DNAJC11: variants seen among roughly 807,000 people sequenced by gnomAD.
DNAJC11 encodes the protein DnaJ heat shock protein family (Hsp40) member C11.
Under a neutral mutation model 78.6 loss-of-function variants are expected in DNAJC11, and 15 were observed. That is an observed-to-expected ratio of 0.19 (90% CI 0.13 to 0.29). The LOEUF (loss-of-function observed/expected upper bound fraction) is 0.29, where lower values mean the gene tolerates loss of function less well. Ranked by LOEUF, DNAJC11 falls within the 10% of genes least tolerant of loss-of-function variation. The probability of loss-of-function intolerance (pLI) is 1.00; values close to 1 mark genes in which losing one functional copy is unlikely to be tolerated. For missense variants in DNAJC11, 547 were observed against 709.6 expected (o/e 0.77, Z 2.60); for synonymous variants, 292 against 272.1 (o/e 1.07, Z -0.72).
chr1:6,696,482 C>G (rs1219026732), intron 1 of DNAJC11, among the ~76,000 whole-genome samples: 2 of 152,178 alleles, frequency 1.3e-5, no homozygotes, highest in Non-Finnish European at 2.9e-5. Context: ...ACCAGGGGAC[C>G]TTCCTCTACT....
chr1:6,640,144 G>A, intron 10 of DNAJC11, 87 bp from the exon 11 acceptor site: 4 of 1,440,808 alleles, frequency 2.8e-6, no homozygotes, highest in Non-Finnish European at 2.7e-6. Flanking sequence ...GGCACAGGAA[G>A]AGAACTTGTG....
chr1:6,677,155 T>A (rs1310293687), intron 3 of DNAJC11, among the ~76,000 whole-genome samples: 4 of 105,756 alleles, frequency 3.8e-5, no homozygotes, highest in Non-Finnish European at 5.8e-5. Flanking sequence ...CAAAACTTGG[T>A]CTCAAAAAAA....
rs1255899767 is a variant in DNAJC11, at chr1:6,634,780, G to A, written c.*895C>T. The A allele has an allele frequency of 1.5e-6, 2 of 1,318,450 alleles. No homozygotes were observed. Among genetic ancestry groups the A allele is most frequent in the Non-Finnish European group, 2.0e-6 (2 of 996,238 alleles). The allele number at this position is 1,318,450 out of a possible 1,614,324, so 81.7% of individuals were successfully genotyped here. ...ACCTGCAGGAGCGGGGAGCTGCAGT[G>A]CCACCTGCTGGGTACCACGGGCCGG... On this transcript the variant is annotated 3_prime_UTR_variant, in exon 16 of 16. Coordinates refer to ENST00000377577, the MANE Select transcript of DNAJC11 (RefSeq NM_018198.4).
intron 1 of DNAJC11, among the ~76,000 whole-genome samples, chr1:6,694,713 C>T (rs150403249): frequency 0.025 from 3,750 of 151,650 alleles, 78 homozygotes; most frequent in East Asian, 0.068. Flanking sequence ...CACCTATAAT[C>T]GCAGCACTTT....
At position 6,680,847 on chromosome 1, in the gene DNAJC11, C is replaced by T; in HGVS notation, c.202+61G>A. The T allele has an allele frequency of 6.3e-7, 1 of 1,590,092 alleles. No individual in the cohort carries two copies. Among genetic ancestry groups the T allele is most frequent in the Non-Finnish European group, 8.6e-7 (1 of 1,163,956 alleles). On this transcript the variant is annotated intron_variant, in intron 2 of 15. Transcript: ENST00000377577. The surrounding 1 kb of genome is among the most constrained non-coding windows in gnomAD (Gnocchi z 4.0). ...CTTTTTCTATCCTCTACAAATCGCA[C>T]CTCCTAAAAATCGAATATCTGTTAC...
chr1:6,662,675 G>T (rs776667380), intron 4 of DNAJC11, among the ~76,000 whole-genome samples: 1 of 152,014 alleles, frequency 6.6e-6, no homozygotes, highest in Admixed American at 6.6e-5. Flanking sequence ...CAATCAGCTC[G>T]CTGTAAAAAG....
chr1:6,653,356 A>G lies in DNAJC11; in HGVS notation c.508-405T>C, dbSNP rs1479543527. 6.6e-6 allele frequency among the ~76,000 whole-genome samples: 1 copy of G among 152,102 alleles called. No homozygotes were observed. Among genetic ancestry groups the G allele is most frequent in the Non-Finnish European group, 1.5e-5 (1 of 68,010 alleles). Reference sequence around the variant, plus strand: ...ACTCAGGGAGCTCCAAGAGGGGGCAAATTTCCCCAAGTTAGGACTCCACGT... The same window carrying G: ...ACTCAGGGAGCTCCAAGAGGGGGCAGATTTCCCCAAGTTAGGACTCCACGT... On this transcript the variant is annotated intron_variant, in intron 5 of 15. Transcript: ENST00000377577. This position sits in a 1 kb window ranked among gnomAD's most constrained non-coding sequence, Gnocchi z 4.5.
intron 11 of DNAJC11, 100 bp downstream of exon 11, chr1:6,639,802 A>T: frequency 7.4e-7 from 1 of 1,349,926 alleles, no homozygotes; most frequent in Non-Finnish European, 9.9e-7. Context: ...AGGTTTCCTC[A>T]TCACCCGACG....
chr1:6,636,364 C>CT, intron 14 of DNAJC11, 118 bp from the exon 15 acceptor site: 1 of 1,403,530 alleles, frequency 7.1e-7, no homozygotes. Flanking sequence ...GAGATGCAAA[C>CT]TTTGGGGCAT....
chr1:6,671,898 G>A (rs1007304824), intron 3 of DNAJC11, among the ~76,000 whole-genome samples: 16 of 150,214 alleles, frequency 1.1e-4, no homozygotes, highest in African/African-American at 3.7e-4. Flanking sequence ...GCAGCGATGC[G>A]ATCTCAGCTC....
rs1641957319 is a variant in DNAJC11, at chr1:6,645,891, C to T, written c.792G>A (p.Lys264=). 6.2e-7 allele frequency: 1 copy of T among 1,614,202 alleles called. No individual in the cohort carries two copies. Among genetic ancestry groups the T allele is most frequent in the Non-Finnish European group, 8.5e-7 (1 of 1,180,038 alleles). The change falls in exon 8 of 16, where the codon AAG becomes AAA. Residue 264 remains lysine (K), a synonymous_variant. Coordinates refer to ENST00000377577, the MANE Select transcript of DNAJC11 (RefSeq NM_018198.4). The surrounding 1 kb of genome is among the most constrained non-coding windows in gnomAD (Gnocchi z 4.1). ...LTTVLARNLD[K]NTVGYLQWRW... ...GCCACTGCAGGTAGCCCACGGTGTTCTTGTCTAGGTTCCGAGCTAGGACAG... is the reference window on the plus strand; with the variant it reads ...GCCACTGCAGGTAGCCCACGGTGTTTTTGTCTAGGTTCCGAGCTAGGACAG...
intron 4 of DNAJC11, among the ~76,000 whole-genome samples, chr1:6,663,923 A>G (rs1642256602): frequency 6.6e-6 from 1 of 152,232 alleles, no homozygotes; most frequent in Non-Finnish European, 1.5e-5. Context: ...TCAAGGGCAC[A>G]GACAGGAAGG....
chr1:6,657,565 A>G (rs1642144610), intron 4 of DNAJC11, among the ~76,000 whole-genome samples: 1 of 152,252 alleles, frequency 6.6e-6, no homozygotes, highest in Non-Finnish European at 1.5e-5. Context: ...GTTATACAGC[A>G]GCACATAATC....
rs752515496 is a variant in DNAJC11, at chr1:6,654,027, C to T, written c.391G>A (p.Val131Ile). Residue 131 changes from valine (V) to isoleucine (I), a missense_variant, in exon 5 of 16, where the codon GTT becomes ATT. By Grantham distance (29) the Val-to-Ile change is conservative. Transcript: ENST00000377577. ...QRTNPKGTIS[V>I]GVDATDLFDR... The stretch of plus-strand genomic sequence containing the variant: ...AAAAGGTCGGTGGCATCTACTCCAA[C>T]GCTGATCGTTCCCTGGGGCAGAAAA... 37 of 1,612,894 alleles carry T rather than the reference C, an allele frequency of 2.3e-5. No homozygotes were observed. Among genetic ancestry groups the T allele is most frequent in the African/African-American group, 8.0e-5 (6 of 74,900 alleles).
chr1:6,694,101 G>T (rs1055879618), intron 1 of DNAJC11, among the ~76,000 whole-genome samples: 10 of 152,112 alleles, frequency 6.6e-5, no homozygotes, highest in Non-Finnish European at 1.2e-4. Context: ...CTCCCAAAGT[G>T]CTGGGATTCA....
intron 10 of DNAJC11, among the ~76,000 whole-genome samples, chr1:6,643,439 T>C (rs993903885): frequency 1.5e-4 from 22 of 150,414 alleles, no homozygotes; most frequent in Admixed American, 6.6e-4. Context: ...CCACGCCCGG[T>C]TAATTTTTTG....
chr1:6,682,541 C>T (rs914244435), intron 1 of DNAJC11, among the ~76,000 whole-genome samples: 3 of 152,166 alleles, frequency 2.0e-5, no homozygotes, highest in Admixed American at 2.0e-4. Context: ...AGCCCTAGAC[C>T]AGGCTCAGGC....
At chr1:6,636,271 C>G in intron 14 of DNAJC11, 25 bp from the exon 15 acceptor site, 1 of 1,612,778 alleles carries the variant, frequency 6.2e-7, no homozygotes, top group Non-Finnish European at 8.5e-7. Context: ...TTGCTACTCT[C>G]AATACTCCAG....
At chr1:6,667,915 G>A in intron 3 of DNAJC11, 105 bp from the exon 4 acceptor site, 2 of 1,045,616 alleles carry the variant, frequency 1.9e-6, no homozygotes, top group South Asian at 1.3e-5. Context: ...TGCTGCCTGG[G>A]GTCCGGCCAC....
Sources: allele counts gnomAD v4.1 joint callset (sites outside exome capture counted in the v4.1 genomes callset), GRCh38; gene constraint gnomAD v4.1.1; non-coding constraint Gnocchi (gnomAD v3.1); transcripts MANE v1.5; gene names NCBI Gene and HGNC (gene_info 2026-07-23, HGNC 2026-07-21).